Variants in TENM1 observed in about 807,000 individuals in gnomAD.
The protein encoded by TENM1 is teneurin transmembrane protein 1.
In TENM1, 35 loss-of-function variants were observed where a neutral mutation model predicts 174.8. The ratio of observed to expected loss-of-function variants is 0.20; its 90% CI spans 0.15 to 0.27. The LOEUF (loss-of-function observed/expected upper bound fraction) is 0.27. TENM1 is among the 10% of genes least tolerant of loss of function. TENM1 has a pLI of 1.00. For missense variants in TENM1, 1,633 were observed against 2,130.1 expected (o/e 0.77, Z 4.59); for synonymous variants, 781 against 798.7 (o/e 0.98, Z 0.37).
In TENM1 at chrX:124,856,437, T is replaced by C. The variant is rs747232659; in HGVS notation, c.535+37859A>G. 2.4e-4 allele frequency among the ~76,000 whole-genome samples: 27 copies of C among 111,668 alleles called. 1 individual carries two copies. In the South Asian group the frequency reaches 0.01, roughly 41 times the overall value. On this transcript the variant is annotated intron_variant, in intron 3 of 31. Transcript: ENST00000422452. ...GCCCTAAATTCCTTATAATGCCTTA[T>C]ATTTAAGTGGTACATTTTACATTCC...
intron 11 of TENM1, among the ~76,000 whole-genome samples, chrX:124,614,831 G>A (rs756123635): frequency 2.0e-3 from 224 of 112,169 alleles, no homozygotes; most frequent in African/African-American, 6.7e-3. Flanking sequence ...TGCAGTGAGC[G>A]GAGATCACGC....
chrX:125,054,036 C>T, the TENM1 span, among the ~76,000 whole-genome samples: 1 of 111,864 alleles, frequency 8.9e-6, no homozygotes, highest in African/African-American at 3.3e-5. Context: ...ATTCTAAGGA[C>T]CTTTTAGCTT....
chrX:124,734,165 T>C (rs932026595), intron 4 of TENM1, among the ~76,000 whole-genome samples: 1 of 110,418 alleles, frequency 9.1e-6, no homozygotes, highest in African/African-American at 3.3e-5. Flanking sequence ...AAAGAAAAGA[T>C]ACAGGGCTGG....
chrX:124,979,256 G>A, the TENM1 span, among the ~76,000 whole-genome samples: 1 of 111,430 alleles, frequency 9.0e-6, no homozygotes, highest in Non-Finnish European at 1.9e-5. Context: ...GATTGTTGTA[G>A]GCCTTTGGTT....
At chrX:125,180,553 A>G in the TENM1 span, among the ~76,000 whole-genome samples, 1 of 109,661 alleles carries the variant, frequency 9.1e-6, no homozygotes, top group East Asian at 2.9e-4. Context: ...TTATGTAAAT[A>G]AAATCATCAG....
the TENM1 span, among the ~76,000 whole-genome samples, chrX:125,131,301 T>C: frequency 9.0e-6 from 1 of 111,566 alleles, no homozygotes; most frequent in African/African-American, 3.3e-5. Context: ...TCTAAACATG[T>C]GTTTATAGCC....
intron 3 of TENM1, among the ~76,000 whole-genome samples, chrX:124,839,303 A>C (rs183296961): frequency 6.6e-4 from 74 of 111,921 alleles, no homozygotes; most frequent in African/African-American, 2.1e-3. Context: ...GATACAAACT[A>C]TATCGACTTT....
intron 3 of TENM1, among the ~76,000 whole-genome samples, chrX:124,755,479 T>C (rs1235168957): frequency 4.5e-5 from 5 of 110,937 alleles, no homozygotes; most frequent in Non-Finnish European, 7.5e-5. Context: ...GAGCATTTAG[T>C]CCATTTACAT....
intron 4 of TENM1, among the ~76,000 whole-genome samples, chrX:124,731,319 T>C (rs764119049): frequency 3.7e-4 from 41 of 112,216 alleles, no homozygotes; most frequent in African/African-American, 1.2e-3. Context: ...TGAAAAAGAA[T>C]GATGATAGAC....
At chrX:124,996,531 T>C in the TENM1 span, among the ~76,000 whole-genome samples, 1 of 93,321 alleles carries the variant, frequency 1.1e-5, no homozygotes, top group Non-Finnish European at 2.1e-5. Context: ...AAAAGACATA[T>C]GACTAAAAAA....
rs376190423 is a variant in TENM1, at chrX:124,843,482, C to G, written c.535+50814G>C. On this transcript the variant is annotated intron_variant, in intron 3 of 31. Transcript: ENST00000422452. The stretch of plus-strand genomic sequence containing the variant: ...TACAGCTGATTCCCGTTGCCTCCCC[C>G]CCTCCCTACTCCTTTCACCAGATCA... Among the ~76,000 whole-genome samples the G allele has an allele frequency of 3.6e-5, 4 of 111,108 alleles. No homozygotes were observed. In the South Asian group the frequency reaches 1.2e-3, roughly 32 times the overall value.
chrX:124,899,576 A>T (rs1010883174), intron 1 of TENM1, among the ~76,000 whole-genome samples: 2 of 111,659 alleles, frequency 1.8e-5, no homozygotes, highest in African/African-American at 6.5e-5. Flanking sequence ...TAGTGCTGCA[A>T]TGAACATCTG....
At chrX:124,676,264 A>G (rs1602976205) in intron 5 of TENM1, among the ~76,000 whole-genome samples, 1 of 4,872 alleles carries the variant, frequency 2.1e-4, no homozygotes, top group African/African-American at 1.7e-3. Context: ...TAAAATATAT[A>G]TATATATATA....
chrX:124,964,043 CAAGGTAA>C (rs1280497776), upstream of TENM1, among the ~76,000 whole-genome samples: 2 of 111,832 alleles, frequency 1.8e-5, no homozygotes, highest in African/African-American at 6.5e-5. Flanking sequence ...AGAAAATACT[CAAGGTAA>C]AAGAGAGACA....
rs150027007 is a variant in TENM1 at position 124,829,314 on chromosome X, C to A, written c.535+64982G>T. ...TGTATCTAAAAAAAAGAGTTGTTTT[C>A]TTTTCAACAAATAGCTAGAGGTGCT... is the stretch of plus-strand genomic sequence containing the variant. On this transcript the variant is annotated intron_variant, in intron 3 of 31. Coordinates refer to ENST00000422452, the Ensembl canonical transcript of TENM1. 9.5e-3 allele frequency among the ~76,000 whole-genome samples: 1,063 copies of A among 112,045 alleles called. 10 individuals carry two copies. Among genetic ancestry groups the A allele is most frequent in the Non-Finnish European group, 0.016 (828 of 53,156 alleles).
chrX:125,173,274 G>T, the TENM1 span, among the ~76,000 whole-genome samples: 46 of 111,322 alleles, frequency 4.1e-4, no homozygotes, highest in Admixed American at 4.3e-3. Flanking sequence ...TTTTCTTAAA[G>T]ATTCAATTAT....
rs777564597 is a variant in TENM1, at chrX:124,404,635, GA to G, written c.5391+395del. On this transcript the variant is annotated intron_variant, in intron 27 of 31. Coordinates refer to ENST00000422452, the Ensembl canonical transcript of TENM1. ...TGTGTACCTGCGAGGTCTTTCCAAAGAGCTACCTGGAAAGCAGGGACCTCGG... is the reference window on the plus strand; with the variant it reads ...TGTGTACCTGCGAGGTCTTTCCAAAGGCTACCTGGAAAGCAGGGACCTCGG... Among the ~76,000 whole-genome samples, 578 of 111,168 alleles carry G rather than the reference GA, an allele frequency of 5.2e-3. 3 individuals carry two copies. The highest frequency in any genetic ancestry group is 0.018 in the African/African-American group (547 of 30,499).
intron 11 of TENM1, among the ~76,000 whole-genome samples, chrX:124,635,766 C>G (rs952408366): frequency 1.8e-5 from 2 of 112,531 alleles, no homozygotes; most frequent in African/African-American, 6.4e-5. Context: ...CAATGCTGAT[C>G]TCAGAGGCTA....
At chrX:125,193,902 A>G in the TENM1 span, among the ~76,000 whole-genome samples, 3 of 110,954 alleles carry the variant, frequency 2.7e-5, no homozygotes, top group Non-Finnish European at 5.7e-5. Flanking sequence ...CTCCCACCTC[A>G]GAGTGCTGAG....
Sources: allele counts gnomAD v4.1 joint callset (sites outside exome capture counted in the v4.1 genomes callset), GRCh38; gene constraint gnomAD v4.1.1; transcripts MANE v1.5; gene names NCBI Gene and HGNC (gene_info 2026-07-23, HGNC 2026-07-21).